BCAR1: variants seen among roughly 807,000 people sequenced by gnomAD.
BCAR1 encodes BCAR1 scaffold protein, Cas family member.
A neutral mutation model predicts 67.6 loss-of-function variants in BCAR1; 30 were observed. The ratio of observed to expected loss-of-function variants is 0.44; its 90% CI spans 0.33 to 0.60. BCAR1 has a LOEUF of 0.60. Ranked by LOEUF, BCAR1 falls within the 20% of genes least tolerant of loss-of-function variation. BCAR1 has a pLI of 0.02. For synonymous variants in BCAR1, 626 were observed against 556.7 expected, an observed-to-expected ratio of 1.12 and a Z score of -1.75; for missense variants, 1,313 against 1,222.3, an observed-to-expected ratio of 1.07 and a Z score of -1.11.
chr16:75,265,793 C>A, intron 1 of BCAR1: 2 of 1,195,164 alleles, frequency 1.7e-6, no homozygotes, highest in South Asian at 4.2e-5. Context: ...GGGGGACAGC[C>A]GGCCCGGGGT....
chr16:75,239,787 A>T (rs1035364549), intron 2 of BCAR1, among the ~76,000 whole-genome samples: 1 of 152,066 alleles, frequency 6.6e-6, no homozygotes, highest in Non-Finnish European at 1.5e-5. Context: ...CTCCCTCCCC[A>T]GCTCCAGGCA....
At chr16:75,262,004 C>T (rs1324127501) in intron 1 of BCAR1, among the ~76,000 whole-genome samples, 4 of 152,202 alleles carry the variant, frequency 2.6e-5, no homozygotes, top group Non-Finnish European at 1.5e-5. Context: ...GCTCTGTGCT[C>T]TTAACATCCC....
intron 1 of BCAR1, chr16:75,266,408 C>T (rs1344941636): frequency 8.7e-6 from 2 of 229,102 alleles, no homozygotes; most frequent in Non-Finnish European, 1.7e-5. Context: ...CCTGGGGTCG[C>T]CCTGACAGTG....
At chr16:75,239,075 G>C (rs569480205) in intron 2 of BCAR1, 3 of 985,286 alleles carry the variant, frequency 3.0e-6, no homozygotes, top group Admixed American at 6.1e-5. Flanking sequence ...GAGCTGAGTC[G>C]GGTGGCAGTA....
intron 1 of BCAR1, among the ~76,000 whole-genome samples, chr16:75,257,014 G>A (rs1400393015): frequency 6.6e-6 from 1 of 152,054 alleles, no homozygotes; most frequent in Non-Finnish European, 1.5e-5. Flanking sequence ...CACTGCCTGG[G>A]GGAGGGGGAA....
At chr16:75,239,209 G>A (rs957504229) in intron 2 of BCAR1, 1 of 764,510 alleles carries the variant, frequency 1.3e-6, no homozygotes, top group Non-Finnish European at 1.6e-6. Flanking sequence ...CTGCACACCT[G>A]AGACCCCACT....
chr16:75,233,838 G>C lies in BCAR1; in HGVS notation c.2100+8C>G. ...AAAGCTGGGCCTTGCTCTGCTCCGG[G>C]GCCTCACCTGCTGCAACTCCAGCTG... is the stretch of plus-strand genomic sequence containing the variant. On this transcript the variant is annotated splice_region_variant and intron_variant, in intron 6 of 6. Transcript: ENST00000162330. 1 of 1,597,200 alleles carries C rather than the reference G, an allele frequency of 6.3e-7. No individual in the cohort carries two copies. Among genetic ancestry groups the C allele is most frequent in the Non-Finnish European group, 8.5e-7 (1 of 1,172,192 alleles).
Position 75,242,742 on chromosome 16 carries a change from T to A in BCAR1, c.361A>T (p.Ser121Cys). The stretch of plus-strand genomic sequence containing the variant: ...TGGTAGAGGCCTTGCTGAGCCTTGC[T>A]GGGAGTGGGCACCAGGTAGACGCTG... ...PDSVYLVPTP[S>C]KAQQGLYQVP... is the part of the protein sequence containing the mutation. The change falls in exon 2 of 7, where the codon AGC (serine) becomes TGC (cysteine). Residue 121 changes from serine (S) to cysteine (C), a missense_variant. This residue lies in a region of BCAR1 where 1,272 missense variants were observed against 1,137.5 expected (regional missense o/e 1.12). Coordinates refer to ENST00000162330, the MANE Select transcript of BCAR1 (RefSeq NM_014567.5). 3 of 1,587,494 alleles carry A rather than the reference T, an allele frequency of 1.9e-6. No homozygotes were observed. The highest frequency in any genetic ancestry group is 1.3e-5 in the African/African-American group (1 of 74,430).
At chr16:75,237,369 T>A in intron 2 of BCAR1, 25 bp from the exon 3 acceptor site, 1 of 1,446,138 alleles carries the variant, frequency 6.9e-7, no homozygotes. Flanking sequence ...CCGACTTCAC[T>A]GCTGCCCTCA....
intron 5 of BCAR1, among the ~76,000 whole-genome samples, 161 bp from the exon 6 acceptor site, chr16:75,234,096 G>GACACACACACACACACAAGCACACGTGA (rs1567586493): frequency 6.7e-6 from 1 of 148,390 alleles, no homozygotes; most frequent in Admixed American, 6.7e-5. Context: ...AGCACACGTG[G>GACACACACACACACACAAGCACACGTGA]ACACACACAC....
rs1169408237 is a variant in BCAR1 at position 75,237,988 on chromosome 16, G to A, written c.634-644C>T. Reference sequence around the variant, plus strand: ...CCCCTCCCTGCCGCGCCTGCCCCGGGGGAGCTGCCTGCAGCAGGTAAGATC... The same window carrying A: ...CCCCTCCCTGCCGCGCCTGCCCCGGAGGAGCTGCCTGCAGCAGGTAAGATC... On this transcript the variant is annotated intron_variant, in intron 2 of 6. Coordinates refer to ENST00000162330, the MANE Select transcript of BCAR1 (RefSeq NM_014567.5). The A allele has an allele frequency of 1.3e-5, 17 of 1,266,068 alleles. No homozygotes were observed. In the Admixed American group the frequency reaches 3.5e-4, roughly 26 times the overall value. 78.4% of individuals were successfully genotyped at this position (1,266,068 alleles called of 1,614,324 possible).
intron 1 of BCAR1, chr16:75,248,210 G>C: frequency 6.4e-7 from 1 of 1,551,346 alleles, no homozygotes; most frequent in East Asian, 2.5e-5. Flanking sequence ...TGGGTTCGTG[G>C]AAACCACCAG....
intron 2 of BCAR1, 140 bp from the exon 3 acceptor site, chr16:75,237,484 T>G: frequency 9.6e-6 from 10 of 1,040,394 alleles, no homozygotes; most frequent in Non-Finnish European, 1.0e-5. Flanking sequence ...AGGATGCCAG[T>G]TCTCACCCCC....
chr16:75,239,366 C>T (rs2077255939), intron 2 of BCAR1, among the ~76,000 whole-genome samples: 1 of 152,178 alleles, frequency 6.6e-6, no homozygotes, highest in Non-Finnish European at 1.5e-5. Flanking sequence ...CACAGGCCCA[C>T]TGCCAGGTGC....
intron 1 of BCAR1, chr16:75,263,170 AC>A: frequency 1.0e-6 from 1 of 978,744 alleles, no homozygotes; most frequent in Middle Eastern, 5.3e-4. Flanking sequence ...GAGTGGCCAC[AC>A]TCACTTCACA....
chr16:75,263,403 G>C, intron 1 of BCAR1: 8 of 985,452 alleles, frequency 8.1e-6, no homozygotes, highest in Non-Finnish European at 9.6e-6. Context: ...CGAGAGGAAG[G>C]CATGGGAATA....
At chr16:75,251,947 G>T, upstream of BCAR1, 1 of 562,806 alleles carries the variant, frequency 1.8e-6, no homozygotes, top group Non-Finnish European at 3.1e-6. Flanking sequence ...TTCTGGGAAG[G>T]CTGCCCGGTT....
At chr16:75,247,337 C>T (rs28595463) in intron 1 of BCAR1, 22,068 of 152,716 alleles carry the variant, frequency 0.14, 1,902 homozygotes, top group East Asian at 0.33. Context: ...AGCTGTTGCA[C>T]ATAGGACTGA....
At chr16:75,264,332 C>A in intron 1 of BCAR1, 1 of 1,483,750 alleles carries the variant, frequency 6.7e-7, no homozygotes, top group Non-Finnish European at 8.9e-7. Context: ...ATTCCCTAAT[C>A]ACTACTGCCC....
Sources: allele counts gnomAD v4.1 joint callset (sites outside exome capture counted in the v4.1 genomes callset), GRCh38; gene constraint gnomAD v4.1.1; regional missense constraint gnomAD v4.1.1; transcripts MANE v1.5; gene names NCBI Gene and HGNC (gene_info 2026-07-23, HGNC 2026-07-21).